Variants in GNAI3 observed in about 807,000 individuals in gnomAD.
The protein encoded by GNAI3 is G protein subunit alpha i3, also known as guanine nucleotide-binding protein G(i) subunit alpha-3.
GNAI3 carries 12 observed loss-of-function variants against 41.8 expected under a neutral mutation model. The observed-to-expected ratio is 0.29, with a 90% CI of 0.18 to 0.47. The LOEUF (loss-of-function observed/expected upper bound fraction) is 0.47. Among genes scored for constraint, GNAI3 ranks in the 20% least tolerant of loss-of-function variants. GNAI3 has a pLI of 1.00. For missense variants in GNAI3, 360 were observed against 429.6 expected (o/e 0.84, Z 1.43); for synonymous variants, 132 against 146.5 (o/e 0.90, Z 0.71).
intron 1 of GNAI3, among the ~76,000 whole-genome samples, chr1:109,552,348 A>G (rs1648001795): frequency 6.6e-6 from 1 of 152,172 alleles, no homozygotes; most frequent in African/African-American, 2.4e-5. Flanking sequence ...CATTTTTATA[A>G]GTTCAAACTT....
rs1648666267 is a variant in GNAI3, at chr1:109,573,753, T to G, written c.135T>G (p.Gly45=). The G allele has an allele frequency of 6.2e-7, 1 of 1,612,256 alleles. No individual in the cohort carries two copies. Among genetic ancestry groups the G allele is most frequent in the Non-Finnish European group, 8.5e-7 (1 of 1,178,308 alleles). Residue 45 remains glycine, a synonymous_variant, in exon 2 of 9, where the codon GGT becomes GGG. Coordinates refer to ENST00000369851, the MANE Select transcript of GNAI3 (RefSeq NM_006496.4). ...KLLLLGAGES[G]KSTIVKQMKI... ...TTCTTACAGGTGCTGGAGAATCTGG[T>G]AAAAGCACCATTGTGAAACAGATGA... is the stretch of plus-strand genomic sequence containing the variant.
Position 109,594,816 on chromosome 1 carries a change from C to G in GNAI3, c.*2494C>G, listed in dbSNP as rs1349461709. On this transcript the variant is annotated 3_prime_UTR_variant, in exon 9 of 9. Coordinates refer to ENST00000369851, the MANE Select transcript of GNAI3 (RefSeq NM_006496.4). ...ACGCCCAGCTAATTTTTTTGTATGT[C>G]TTAGTAGAGACGGGGTTTAACCGTG... 6.6e-6 allele frequency: 1 copy of G among 151,960 alleles called. No homozygotes were observed. The highest frequency in any genetic ancestry group is 1.5e-5 in the Non-Finnish European group (1 of 68,016). 9.4% of individuals were successfully genotyped at this position (151,960 alleles called of 1,614,324 possible).
intron 3 of GNAI3, among the ~76,000 whole-genome samples, chr1:109,574,609 A>G (rs1367981475): frequency 1.3e-5 from 2 of 152,176 alleles, no homozygotes; most frequent in Admixed American, 6.5e-5. Flanking sequence ...TTGTATTATT[A>G]TAATAATACT....
At chr1:109,591,177 C>A (rs1649162116) in intron 7 of GNAI3, among the ~76,000 whole-genome samples, 1 of 152,120 alleles carries the variant, frequency 6.6e-6, no homozygotes, top group African/African-American at 2.4e-5. Flanking sequence ...AATTGGGAAA[C>A]CCTAAAATTC....
At chr1:109,589,047 G>A (rs962966671) in intron 7 of GNAI3, among the ~76,000 whole-genome samples, 6 of 152,170 alleles carry the variant, frequency 3.9e-5, no homozygotes, top group Admixed American at 6.5e-5. Flanking sequence ...TTCATAGAAC[G>A]TTGAAATAAT....
intron 1 of GNAI3, among the ~76,000 whole-genome samples, chr1:109,570,486 A>T (rs569370517): frequency 1.9e-4 from 29 of 152,320 alleles, no homozygotes; most frequent in African/African-American, 6.7e-4. Context: ...CTAATCTGTC[A>T]TGTGAAGAAG....
rs770801709 is a variant in GNAI3 at position 109,574,035 on chromosome 1, G to A, written c.301G>A (p.Ala101Thr). ...GATTGACTTTGGGGAAGCTGCCAGG[G>A]CAGTAAGTGTTTCTCATTTCCTCTT... ...LKIDFGEAAR[A>T]DDARQLFVLA... The change falls in exon 3 of 9, where the codon GCA becomes ACA. Residue 101 changes from alanine to threonine, a missense_variant and splice_region_variant. Physicochemically the swap from Ala to Thr is moderately conservative, Grantham distance 58. Coordinates refer to ENST00000369851, the MANE Select transcript of GNAI3 (RefSeq NM_006496.4). 3 of 1,602,958 alleles carry A rather than the reference G, an allele frequency of 1.9e-6. No homozygotes were observed. Among genetic ancestry groups the A allele is most frequent in the Non-Finnish European group, 2.6e-6 (3 of 1,176,154 alleles).
chr1:109,584,134 C>T (rs1216739357), intron 5 of GNAI3, among the ~76,000 whole-genome samples: 5 of 152,142 alleles, frequency 3.3e-5, no homozygotes, highest in Admixed American at 3.3e-4. Flanking sequence ...AGTTCTTTCT[C>T]TGAAAACAAC....
At chr1:109,567,383 G>A (rs1648484810) in intron 1 of GNAI3, among the ~76,000 whole-genome samples, 4 of 152,206 alleles carry the variant, frequency 2.6e-5, no homozygotes. Flanking sequence ...TAGTGGTGCA[G>A]AGAGACCTGT....
rs1394246744 is a variant in GNAI3 at position 109,573,952 on chromosome 1, T to C, written c.218T>C (p.Val73Ala). ...EDECKQYKVV[V>A]YSNTIQSIIA... ...GAATGTAAACAATATAAAGTAGTTG[T>C]CTACAGCAATACTATACAGTCCATC... The change falls in exon 3 of 9, where the codon GTC becomes GCC. Residue 73 changes from valine (V) to alanine (A), a missense_variant. Val to Ala is a moderately conservative substitution (Grantham distance 64). Transcript: ENST00000369851. The C allele has an allele frequency of 6.2e-7, 1 of 1,606,900 alleles. No homozygotes were observed. The highest frequency in any genetic ancestry group is 2.2e-5 in the East Asian group (1 of 44,842).
intron 7 of GNAI3, chr1:109,591,777 G>A: frequency 2.6e-6 from 1 of 379,502 alleles, no homozygotes; most frequent in Non-Finnish European, 4.7e-6. Flanking sequence ...TTTTTTAGCT[G>A]AAAAGTCTAA....
chr1:109,583,734 C>T (rs1446456129), intron 5 of GNAI3, among the ~76,000 whole-genome samples: 1 of 150,978 alleles, frequency 6.6e-6, no homozygotes, highest in African/African-American at 2.4e-5. Flanking sequence ...GTGCGTTGCA[C>T]CACGCCCGGC....
chr1:109,586,653 T>C (rs1322537526), intron 6 of GNAI3, 76 bp from the exon 7 acceptor site: 14 of 1,063,556 alleles, frequency 1.3e-5, no homozygotes, highest in Middle Eastern at 6.3e-4. Context: ...GCAAAACTTG[T>C]TGGTTTGTCT....
intron 1 of GNAI3, among the ~76,000 whole-genome samples, chr1:109,570,939 GC>G (rs981868160): frequency 3.9e-5 from 6 of 152,202 alleles, no homozygotes; most frequent in African/African-American, 1.4e-4. Flanking sequence ...TATTTAGGAA[GC>G]TTTTGCAGTG....
chr1:109,566,652 C>T (rs1393061375), intron 1 of GNAI3, among the ~76,000 whole-genome samples: 1 of 152,200 alleles, frequency 6.6e-6, no homozygotes, highest in East Asian at 1.9e-4. Context: ...ACCTCCACCT[C>T]CTGGATTCAA....
rs7526854 is a variant in GNAI3 at position 109,560,278 on chromosome 1, G to A, written c.118+11440G>A. Among the ~76,000 whole-genome samples, 859 of 152,168 alleles carry A rather than the reference G, an allele frequency of 5.6e-3. 8 individuals are homozygous for A. Among genetic ancestry groups the A allele is most frequent in the African/African-American group, 0.02 (838 of 41,538 alleles). ...TTTTTAATGTTAATACAAAACATCT[G>A]TTTCTTGAATAATGTTAGTATTTTA... On this transcript the variant is annotated intron_variant, in intron 1 of 8. Coordinates refer to ENST00000369851, the MANE Select transcript of GNAI3 (RefSeq NM_006496.4).
At chr1:109,585,280 G>T (rs1441823993) in intron 5 of GNAI3, among the ~76,000 whole-genome samples, 1 of 152,174 alleles carries the variant, frequency 6.6e-6, no homozygotes, top group African/African-American at 2.4e-5. Context: ...TACTATAGGA[G>T]GTAGTTGAGG....
rs940821998 is a variant in GNAI3 at position 109,597,893 on chromosome 1, G to A, written c.*5571G>A. 7 of 152,192 alleles carry A rather than the reference G, an allele frequency of 4.6e-5. No individual in the cohort carries two copies. The highest frequency in any genetic ancestry group is 7.2e-5 in the African/African-American group (3 of 41,444). 9.4% of individuals were successfully genotyped at this position (152,192 alleles called of 1,614,324 possible). A position where few individuals can be genotyped will look rare whatever the true frequency, so the allele number is the denominator to read the frequency against. On this transcript the variant is annotated 3_prime_UTR_variant, in exon 9 of 9. Transcript: ENST00000369851. The stretch of plus-strand genomic sequence containing the variant: ...ATGAAAGTCGTTTTGAAATGGGTAC[G>A]GGGGTATATAAGGGGAATGATTGAG...
At position 109,572,292 on chromosome 1, in the gene GNAI3, A is replaced by G. The variant is rs1165707291; in HGVS notation, c.119-1445A>G. Among the ~76,000 whole-genome samples, 4 of 152,244 alleles carry G rather than the reference A, an allele frequency of 2.6e-5. No homozygotes were observed. The East Asian group carries it at 5.8e-4, about 22-fold the overall frequency. ...ACCATTGCACTCCAGCCTGGGCTAC[A>G]GAGCGGGACTCCATCTCAAATAATA... On this transcript the variant is annotated intron_variant, in intron 1 of 8. Transcript: ENST00000369851.
Sources: allele counts gnomAD v4.1 joint callset (sites outside exome capture counted in the v4.1 genomes callset), GRCh38; gene constraint gnomAD v4.1.1; transcripts MANE v1.5; gene names NCBI Gene and HGNC (gene_info 2026-07-23, HGNC 2026-07-21).